Variants in TENM2 observed in about 807,000 individuals in gnomAD.
TENM2 encodes teneurin-2.
In TENM2, 52 loss-of-function variants were observed where a neutral mutation model predicts 245.2. That is an observed-to-expected ratio of 0.21 (90% CI 0.17 to 0.27). TENM2 has a LOEUF of 0.27. Ranked by LOEUF, TENM2 falls within the 10% of genes least tolerant of loss-of-function variation. TENM2 has a pLI of 1.00. For synonymous variants in TENM2, 1,363 were observed against 1,438.9 expected, an observed-to-expected ratio of 0.95 and a Z score of 1.19; for missense variants, 3,046 against 3,666.8, an observed-to-expected ratio of 0.83 and a Z score of 4.37.
chr5:167,918,175 G>T (rs1465892409), intron 3 of TENM2, among the ~76,000 whole-genome samples: 1 of 152,118 alleles, frequency 6.6e-6, no homozygotes, highest in African/African-American at 2.4e-5. Context: ...ATCATGACGG[G>T]TTTATTTATA....
intron 1 of TENM2, among the ~76,000 whole-genome samples, chr5:167,331,226 A>G: frequency 8.1e-6 from 1 of 122,700 alleles, no homozygotes. Context: ...ACAGAGTGAG[A>G]CTCTGTCTCA....
intron 12 of TENM2, among the ~76,000 whole-genome samples, chr5:168,143,843 CTTTTTTTTT>C (rs70976464): frequency 2.9e-5 from 3 of 102,710 alleles, no homozygotes; most frequent in African/African-American, 3.8e-5. Context: ...TACTACACTT[CTTTTTTTTT>C]TTTTTTTTTT....
At chr5:166,998,415 T>G in the TENM2 span, among the ~76,000 whole-genome samples, 1 of 152,212 alleles carries the variant, frequency 6.6e-6, no homozygotes, top group Admixed American at 6.5e-5. Context: ...CCTCCAATGT[T>G]ACTGTACCTA....
At chr5:167,653,442 T>A (rs1158045893) in intron 2 of TENM2, 1 of 152,134 alleles carries the variant, frequency 6.6e-6, no homozygotes, top group Non-Finnish European at 1.5e-5. Flanking sequence ...TTTAAGTAAC[T>A]CTTAAAATAT....
intron 2 of TENM2, among the ~76,000 whole-genome samples, chr5:167,763,753 G>C (rs1420178417): frequency 6.6e-6 from 1 of 152,116 alleles, no homozygotes; most frequent in African/African-American, 2.4e-5. Context: ...TAGGTAGGCT[G>C]AACTTCCCTC....
At position 167,615,310 on chromosome 5, in the gene TENM2, G is replaced by T. The variant is rs548930261; in HGVS notation, c.502+239837G>T. ...GGGCAGTAAATATTACCCTTATTAA[G>T]TCTTGCTGATGGGGAAATTGACTGT... On this transcript the variant is annotated intron_variant, in intron 2 of 28. Coordinates refer to ENST00000518659, the Ensembl canonical transcript of TENM2. Among the ~76,000 whole-genome samples the T allele has an allele frequency of 2.6e-4, 39 of 152,150 alleles. 1 individual carries two copies. Among genetic ancestry groups the T allele is most frequent in the Admixed American group, 2.5e-3 (38 of 15,262 alleles).
At chr5:168,040,418 G>A (rs553447402) in intron 5 of TENM2, among the ~76,000 whole-genome samples, 9 of 152,264 alleles carry the variant, frequency 5.9e-5, no homozygotes, top group Non-Finnish European at 8.8e-5. Flanking sequence ...GCTGGAAGTC[G>A]GACAGAGGCT....
At chr5:167,345,594 G>A (rs981887175) in intron 1 of TENM2, among the ~76,000 whole-genome samples, 21 of 152,180 alleles carry the variant, frequency 1.4e-4, no homozygotes, top group Admixed American at 9.2e-4. Flanking sequence ...TATGAATACA[G>A]AAGTCGCTTT....
chr5:167,559,123 A>G (rs1380999641), intron 2 of TENM2, among the ~76,000 whole-genome samples: 1 of 152,206 alleles, frequency 6.6e-6, no homozygotes, highest in African/African-American at 2.4e-5. Context: ...TGTGACACCC[A>G]TAACCTCAAA....
At chr5:167,048,177 T>C in the TENM2 span, among the ~76,000 whole-genome samples, 1 of 152,206 alleles carries the variant, frequency 6.6e-6, no homozygotes, top group African/African-American at 2.4e-5. Context: ...TAAAATCTGT[T>C]TGGGTTAGCA....
intron 6 of TENM2, among the ~76,000 whole-genome samples, chr5:168,050,367 T>C (rs1367648373): frequency 6.6e-6 from 1 of 152,186 alleles, no homozygotes; most frequent in Non-Finnish European, 1.5e-5. Context: ...GCGCTCCCCA[T>C]TCCCCAATTC....
Position 168,014,852 on chromosome 5 carries a change from G to A in TENM2, c.1186+21670G>A, listed in dbSNP as rs73803828. ...TTCTGACAGCCCCAGAGATGAAGAAGGGCTCTTGGGGAGCATAATGGCGCC... is the reference window on the plus strand; with the variant it reads ...TTCTGACAGCCCCAGAGATGAAGAAAGGCTCTTGGGGAGCATAATGGCGCC... On this transcript the variant is annotated intron_variant, in intron 5 of 28. Coordinates refer to ENST00000518659, the Ensembl canonical transcript of TENM2. Among the ~76,000 whole-genome samples the A allele has an allele frequency of 1.2e-3, 183 of 152,256 alleles. 1 individual carries two copies. The highest frequency in any genetic ancestry group is 4.1e-3 in the African/African-American group (172 of 41,554).
chr5:167,463,259 T>A (rs1265982302), intron 2 of TENM2, among the ~76,000 whole-genome samples: 2 of 152,188 alleles, frequency 1.3e-5, no homozygotes, highest in Non-Finnish European at 2.9e-5. Context: ...CTGATAATAG[T>A]CATTAGACTA....
the TENM2 span, among the ~76,000 whole-genome samples, chr5:167,127,008 A>AT: frequency 2.4e-3 from 342 of 140,510 alleles, no homozygotes; most frequent in African/African-American, 4.3e-3. Flanking sequence ...TCACAGGTGC[A>AT]TTTTTTTTTT....
chr5:167,245,245 G>A, the TENM2 span, among the ~76,000 whole-genome samples: 3 of 152,232 alleles, frequency 2.0e-5, no homozygotes, highest in East Asian at 5.8e-4. Flanking sequence ...TTTCACACTT[G>A]GGCAAACGGC....
At position 167,596,037 on chromosome 5, in the gene TENM2, G is replaced by T. The variant is rs34156019; in HGVS notation, c.502+220564G>T. On this transcript the variant is annotated intron_variant, in intron 2 of 28. Transcript: ENST00000518659. ...AACCTAACCCCCCTTATTTGATTTT[G>T]CCCTTCAGACTTGAATTTTTCTCCT... Among the ~76,000 whole-genome samples, 147 of 152,190 alleles carry T rather than the reference G, an allele frequency of 9.7e-4. 1 individual carries two copies. Among genetic ancestry groups the T allele is most frequent in the Non-Finnish European group, 1.7e-3 (119 of 68,002 alleles).
chr5:167,222,948 A>C, the TENM2 span, among the ~76,000 whole-genome samples: 1 of 152,200 alleles, frequency 6.6e-6, no homozygotes, highest in African/African-American at 2.4e-5. Flanking sequence ...TTTAAAGTAC[A>C]TGTGAATTTT....
chr5:168,087,903 C>G (rs923380771), intron 7 of TENM2, among the ~76,000 whole-genome samples: 1 of 152,200 alleles, frequency 6.6e-6, no homozygotes, highest in Non-Finnish European at 1.5e-5. Flanking sequence ...CCCAGAGCCC[C>G]TGGCTAGCCG....
chr5:166,988,864 T>C, the TENM2 span, among the ~76,000 whole-genome samples: 3 of 152,264 alleles, frequency 2.0e-5, no homozygotes, highest in South Asian at 2.1e-4. Flanking sequence ...TGGCTCACCA[T>C]TGAAAGTTCC....
Sources: gnomAD v4.1 joint callset for allele counts (sites outside exome capture counted in the v4.1 genomes callset) on GRCh38, gnomAD v4.1.1 for gene constraint, MANE v1.5 for transcripts, NCBI Gene and HGNC (gene_info 2026-07-23, HGNC 2026-07-21) for gene names.